NPAS3: variants seen among roughly 807,000 people sequenced by gnomAD.
NPAS3 encodes neuronal PAS domain-containing protein 3.
NPAS3 carries 14 observed loss-of-function variants against 73.1 expected under a neutral mutation model. That is an observed-to-expected ratio of 0.19 (90% CI 0.13 to 0.30). The LOEUF is 0.30. Ranked by LOEUF, NPAS3 falls within the 10% of genes least tolerant of loss-of-function variation. NPAS3 has a pLI of 1.00. For missense variants in NPAS3, 1,096 were observed against 1,250.0 expected (o/e 0.88, Z 1.86); for synonymous variants, 620 against 541.5 (o/e 1.14, Z -2.01).
At chr14:33,748,709 C>G (rs1489172474) in intron 7 of NPAS3, among the ~76,000 whole-genome samples, 1 of 152,166 alleles carries the variant, frequency 6.6e-6, no homozygotes, top group Non-Finnish European at 1.5e-5. Flanking sequence ...TTGATGAAAA[C>G]AAAGCGAACA....
intron 4 of NPAS3, among the ~76,000 whole-genome samples, chr14:33,376,880 T>C (rs376569708): frequency 6.6e-6 from 1 of 152,214 alleles, no homozygotes; most frequent in African/African-American, 2.4e-5. Flanking sequence ...AAGTGCTTGA[T>C]ACAGAACTTG....
chr14:33,226,443 T>A (rs1255241570), intron 3 of NPAS3, among the ~76,000 whole-genome samples: 1 of 152,230 alleles, frequency 6.6e-6, no homozygotes, highest in African/African-American at 2.4e-5. Flanking sequence ...GAGATCTGTG[T>A]ATTTAGTGGT....
intron 2 of NPAS3, among the ~76,000 whole-genome samples, chr14:33,092,575 A>G (rs976227357): frequency 7.2e-5 from 11 of 152,250 alleles, no homozygotes; most frequent in African/African-American, 2.4e-4. Flanking sequence ...TGCCATCCCC[A>G]TCAAGCTACC....
chr14:33,167,801 G>C (rs1287992121), intron 2 of NPAS3, among the ~76,000 whole-genome samples: 1 of 152,144 alleles, frequency 6.6e-6, no homozygotes, highest in Non-Finnish European at 1.5e-5. Context: ...TTCCAGACAT[G>C]GTTATTCTAG....
intron 2 of NPAS3, among the ~76,000 whole-genome samples, chr14:33,067,608 G>A (rs984005874): frequency 2.0e-5 from 3 of 152,170 alleles, no homozygotes; most frequent in Admixed American, 1.3e-4. Context: ...AATCCTCAAA[G>A]CAACCTAGTG....
chr14:33,293,101 C>T (rs926872853), intron 3 of NPAS3, among the ~76,000 whole-genome samples: 15 of 152,178 alleles, frequency 9.9e-5, no homozygotes, highest in African/African-American at 3.6e-4. Context: ...GCATCTCTTG[C>T]TGGCCACCTG....
At chr14:33,215,482 A>G in intron 3 of NPAS3, 56 bp downstream of exon 3, 1 of 1,581,866 alleles carries the variant, frequency 6.3e-7, no homozygotes. Flanking sequence ...GGTCTGTAAG[A>G]CAAAATGTTT....
At chr14:33,189,089 T>G (rs2046078642) in intron 2 of NPAS3, among the ~76,000 whole-genome samples, 1 of 152,184 alleles carries the variant, frequency 6.6e-6, no homozygotes, top group South Asian at 2.1e-4. Flanking sequence ...CCTTTCCAAT[T>G]GGCTACACTT....
At chr14:33,214,256 G>C (rs1418885194) in intron 2 of NPAS3, 1 of 152,150 alleles carries the variant, frequency 6.6e-6, no homozygotes, top group Non-Finnish European at 1.5e-5. Flanking sequence ...TCTCCTGTCA[G>C]ATGCTCACAC....
chr14:33,054,774 G>A (rs895739727), intron 1 of NPAS3, among the ~76,000 whole-genome samples: 13 of 151,832 alleles, frequency 8.6e-5, no homozygotes, highest in African/African-American at 2.7e-4. Flanking sequence ...CACCACGCCC[G>A]GCTAATTTTT....
chr14:33,319,273 T>G (rs939503183), intron 3 of NPAS3, among the ~76,000 whole-genome samples: 7 of 152,146 alleles, frequency 4.6e-5, no homozygotes, highest in Admixed American at 1.3e-4. Context: ...CTTCTGCCCC[T>G]TTCTGTTGGT....
chr14:33,748,957 C>T (rs760207399), intron 7 of NPAS3, among the ~76,000 whole-genome samples: 1 of 152,092 alleles, frequency 6.6e-6, no homozygotes, highest in Non-Finnish European at 1.5e-5. Context: ...GTGGTCAAGG[C>T]TAGTTTGAGA....
chr14:33,288,012 A>G (rs1203837082), intron 3 of NPAS3, among the ~76,000 whole-genome samples: 3 of 152,084 alleles, frequency 2.0e-5, no homozygotes, highest in African/African-American at 7.2e-5. Flanking sequence ...TAGTTGCACT[A>G]TCTAGTATTT....
At chr14:32,954,970 C>T (rs545726180) in intron 1 of NPAS3, among the ~76,000 whole-genome samples, 78 of 152,178 alleles carry the variant, frequency 5.1e-4, no homozygotes, top group Middle Eastern at 3.4e-3. Context: ...ACCATCTTTT[C>T]GATTGTGAAT....
intron 5 of NPAS3, among the ~76,000 whole-genome samples, chr14:33,649,652 G>GTGAGC (rs2058934980): frequency 6.6e-6 from 1 of 152,180 alleles, no homozygotes; most frequent in African/African-American, 2.4e-5. Flanking sequence ...GGTGGAAGAA[G>GTGAGC]TGAGCTGAAT....
intron 3 of NPAS3, among the ~76,000 whole-genome samples, chr14:33,242,448 C>T (rs2048241919): frequency 6.6e-6 from 1 of 151,952 alleles, no homozygotes; most frequent in Non-Finnish European, 1.5e-5. Context: ...ACAGTCTTTC[C>T]ACAACTTAGC....
chr14:33,647,352 T>A (rs1011490912), intron 5 of NPAS3, among the ~76,000 whole-genome samples: 6 of 151,944 alleles, frequency 3.9e-5, no homozygotes, highest in African/African-American at 1.5e-4. Flanking sequence ...AAAAGAAGGC[T>A]TCTTTAGTAA....
chr14:33,284,089 G>T (rs552597885), intron 3 of NPAS3, among the ~76,000 whole-genome samples: 1 of 151,916 alleles, frequency 6.6e-6, no homozygotes, highest in African/African-American at 2.4e-5. Context: ...TTGCATCTTT[G>T]TAAACTTATT....
chr14:33,624,219 C>T (rs1205701599), intron 5 of NPAS3, among the ~76,000 whole-genome samples: 4 of 152,086 alleles, frequency 2.6e-5, no homozygotes, highest in East Asian at 1.9e-4. Flanking sequence ...TTTTGTTCCC[C>T]GAGATATCCC....
Sources: allele counts gnomAD v4.1 joint callset (sites outside exome capture counted in the v4.1 genomes callset), GRCh38; gene constraint gnomAD v4.1.1; transcripts MANE v1.5; gene names NCBI Gene and HGNC (gene_info 2026-07-23, HGNC 2026-07-21).